MYO1E: variants seen among roughly 807,000 people sequenced by gnomAD.
MYO1E encodes unconventional myosin-Ie.
In MYO1E, 68 loss-of-function variants were observed where a neutral mutation model predicts 151.1. That is an observed-to-expected ratio of 0.45 (90% CI 0.37 to 0.55). The LOEUF (loss-of-function observed/expected upper bound fraction) is 0.55. Among genes scored for constraint, MYO1E ranks in the 20% least tolerant of loss-of-function variants. The pLI is 0.00. For missense variants in MYO1E, 1,363 were observed against 1,389.3 expected (o/e 0.98, Z 0.30); for synonymous variants, 601 against 501.7 (o/e 1.20, Z -2.64).
intron 9 of MYO1E, among the ~76,000 whole-genome samples, chr15:59,219,987 A>G (rs2140347112): frequency 6.6e-6 from 1 of 152,368 alleles, no homozygotes; most frequent in Non-Finnish European, 1.5e-5. Context: ...GACAGATGAC[A>G]TTCATAAATC....
At chr15:59,249,315 C>T (rs1407786303) in intron 4 of MYO1E, among the ~76,000 whole-genome samples, 2 of 151,728 alleles carry the variant, frequency 1.3e-5, no homozygotes, top group Admixed American at 1.3e-4. Flanking sequence ...GTCCCAGCTA[C>T]TCAGAAGGCT....
At chr15:59,236,375 C>CACACACACACACACACACACACACAAT (rs2080065355) in intron 5 of MYO1E, among the ~76,000 whole-genome samples, 1 of 24,438 alleles carries the variant, frequency 4.1e-5, no homozygotes, top group Non-Finnish European at 9.2e-5. Context: ...TATATACACA[C>CACACACACACACACACACACACACAAT]ACACACACAC....
At chr15:59,223,461 G>T (rs571569905) in intron 8 of MYO1E, among the ~76,000 whole-genome samples, 1 of 152,356 alleles carries the variant, frequency 6.6e-6, no homozygotes, top group South Asian at 2.1e-4. Context: ...TGCTGGAAGG[G>T]CACTTCTGTC....
chr15:59,152,213 G>A (rs1485019224), intron 26 of MYO1E, among the ~76,000 whole-genome samples: 3 of 152,192 alleles, frequency 2.0e-5, no homozygotes, highest in Admixed American at 6.5e-5. Flanking sequence ...GCAACAGAGC[G>A]AGACCCTGTC....
At chr15:59,263,857 A>G (rs2080238091) in intron 2 of MYO1E, among the ~76,000 whole-genome samples, 2 of 152,192 alleles carry the variant, frequency 1.3e-5, no homozygotes, top group Non-Finnish European at 2.9e-5. Flanking sequence ...CCCAATTGCC[A>G]AAGTCAGATG....
intron 12 of MYO1E, among the ~76,000 whole-genome samples, chr15:59,211,084 C>A (rs138749944): frequency 1.3e-5 from 2 of 151,636 alleles, no homozygotes; most frequent in African/African-American, 4.8e-5. Context: ...CCTGTAATCC[C>A]GGCTACTTGG....
chr15:59,180,468 T>C (rs573512929), intron 18 of MYO1E, among the ~76,000 whole-genome samples: 2 of 152,212 alleles, frequency 1.3e-5, no homozygotes, highest in Admixed American at 1.3e-4. Flanking sequence ...TAAACTAAAG[T>C]ATATTTATCG....
At chr15:59,363,039 G>C (rs370097180) in intron 1 of MYO1E, among the ~76,000 whole-genome samples, 1 of 140,774 alleles carries the variant, frequency 7.1e-6, no homozygotes, top group African/African-American at 2.6e-5. Flanking sequence ...GCAGTGGCAC[G>C]ATCTCGGCTC....
chr15:59,328,347 C>T (rs771884969), intron 1 of MYO1E, among the ~76,000 whole-genome samples: 18 of 152,066 alleles, frequency 1.2e-4, no homozygotes, highest in African/African-American at 3.1e-4. Context: ...GATCCATTGC[C>T]AGGCTCAAAC....
intron 2 of MYO1E, 61 bp from the exon 3 acceptor site, chr15:59,261,570 A>G: frequency 9.1e-7 from 1 of 1,102,322 alleles, no homozygotes. Context: ...TTTCAAATTA[A>G]GTAACCAGAT....
intron 1 of MYO1E, among the ~76,000 whole-genome samples, chr15:59,349,665 C>A (rs565213128): frequency 6.6e-6 from 1 of 152,216 alleles, no homozygotes; most frequent in East Asian, 1.9e-4. Context: ...TAACTTTCTG[C>A]AAAACAAAAA....
intron 14 of MYO1E, chr15:59,206,855 GTCC>G: frequency 7.2e-7 from 1 of 1,395,262 alleles, no homozygotes; most frequent in Non-Finnish European, 9.7e-7. Context: ...AGTGCTGAAG[GTCC>G]TGCCAACGGC....
chr15:59,188,035 G>C (rs111829491), intron 18 of MYO1E, 83 bp downstream of exon 18: 1 of 1,036,388 alleles, frequency 9.6e-7, no homozygotes, highest in African/African-American at 1.6e-5. Flanking sequence ...TGACTCGTAC[G>C]CTTGAAGTGG....
Position 59,357,051 on chromosome 15 carries a change from G to A in MYO1E, c.3+15447C>T, listed in dbSNP as rs571014691. 1.7e-4 allele frequency among the ~76,000 whole-genome samples: 25 copies of A among 144,310 alleles called. No homozygotes were observed. In the South Asian group the frequency reaches 4.2e-3, roughly 24 times the overall value. 94.7% of individuals were successfully genotyped at this position (144,310 alleles called of 152,430 possible). ...CTCTCAAGTAGCTGGGATTACAGGC[G>A]CCCACCACCACACCCAGCTAATTCT... On this transcript the variant is annotated intron_variant, in intron 1 of 27. Coordinates refer to ENST00000288235, the MANE Select transcript of MYO1E (RefSeq NM_004998.4).
At chr15:59,211,051 G>T (rs544825626) in intron 12 of MYO1E, among the ~76,000 whole-genome samples, 20 of 151,876 alleles carry the variant, frequency 1.3e-4, no homozygotes, top group Non-Finnish European at 2.6e-4. Context: ...AATACAAAAA[G>T]AAGCTGAGTG....
At chr15:59,275,546 A>C (rs183198077) in intron 1 of MYO1E, among the ~76,000 whole-genome samples, 159 of 152,164 alleles carry the variant, frequency 1.0e-3, no homozygotes, top group Admixed American at 1.4e-3. Flanking sequence ...TGCTGAAAAA[A>C]CTGTAAACTG....
intron 2 of MYO1E, among the ~76,000 whole-genome samples, chr15:59,270,340 T>C (rs1358809318): frequency 3.3e-5 from 5 of 151,992 alleles, no homozygotes; most frequent in Admixed American, 1.3e-4. Context: ...TTGCTTGAGC[T>C]CAAGAGTTTG....
chr15:59,333,616 A>G (rs1389397050), intron 1 of MYO1E, among the ~76,000 whole-genome samples: 1 of 152,148 alleles, frequency 6.6e-6, no homozygotes, highest in Non-Finnish European at 1.5e-5. Context: ...ACCCTACCAC[A>G]CAACACTGGA....
intron 1 of MYO1E, among the ~76,000 whole-genome samples, chr15:59,320,930 A>G (rs542547854): frequency 2.6e-4 from 39 of 152,326 alleles, no homozygotes; most frequent in African/African-American, 8.9e-4. Flanking sequence ...TTCACAAACT[A>G]TGCATCTGAC....
Sources: gnomAD v4.1 joint callset for allele counts (sites outside exome capture counted in the v4.1 genomes callset) on GRCh38, gnomAD v4.1.1 for gene constraint, MANE v1.5 for transcripts, NCBI Gene and HGNC (gene_info 2026-07-23, HGNC 2026-07-21) for gene names.